Variants in ATP2B2 observed in about 807,000 individuals in gnomAD.
ATP2B2 encodes the protein plasma membrane calcium-transporting ATPase 2.
Under a neutral mutation model 120.0 loss-of-function variants are expected in ATP2B2, and 15 were observed. That is an observed-to-expected ratio of 0.12 (90% CI 0.08 to 0.19). The LOEUF is 0.19. ATP2B2 is among the 10% of genes least tolerant of loss of function. The pLI, the probability that ATP2B2 is intolerant of heterozygous loss-of-function variation, is 1.00. For missense variants in ATP2B2, 1,045 were observed against 1,719.8 expected (o/e 0.61, Z 6.94); for synonymous variants, 694 against 700.3 (o/e 0.99, Z 0.14).
intron 1 of ATP2B2, among the ~76,000 whole-genome samples, chr3:10,678,515 G>T (rs1033933899): frequency 6.6e-6 from 1 of 152,174 alleles, no homozygotes; most frequent in Non-Finnish European, 1.5e-5. Context: ...GCTTCTGGGG[G>T]CCCAGGTCTA....
chr3:10,392,015 C>T (rs56246256), intron 5 of ATP2B2, among the ~76,000 whole-genome samples: 8,350 of 152,106 alleles, frequency 0.055, 278 homozygotes, highest in South Asian at 0.082. Flanking sequence ...GATGAATGCC[C>T]TTCTCCTTGG....
intron 1 of ATP2B2, among the ~76,000 whole-genome samples, chr3:10,482,224 G>A (rs1409989370): frequency 6.6e-6 from 1 of 152,134 alleles, no homozygotes; most frequent in Non-Finnish European, 1.5e-5. Flanking sequence ...GCCAGCCTGG[G>A]GGTGGGCTTT....
chr3:10,600,667 C>G (rs932014155), intron 2 of ATP2B2, among the ~76,000 whole-genome samples: 6 of 152,224 alleles, frequency 3.9e-5, no homozygotes, highest in Non-Finnish European at 8.8e-5. Context: ...TCTGCCGCCC[C>G]CTCCCTGCCC....
chr3:10,391,497 A>C (rs2061848335), intron 5 of ATP2B2, among the ~76,000 whole-genome samples: 1 of 152,224 alleles, frequency 6.6e-6, no homozygotes, highest in Non-Finnish European at 1.5e-5. Flanking sequence ...CACGATAATC[A>C]GACTCCCAAA....
At chr3:10,434,567 A>G (rs2063417930) in intron 2 of ATP2B2, among the ~76,000 whole-genome samples, 1 of 152,238 alleles carries the variant, frequency 6.6e-6, no homozygotes, top group South Asian at 2.1e-4. Context: ...GTAGGTAGGC[A>G]TATCTGGACC....
At chr3:10,379,413 G>T in intron 8 of ATP2B2, 129 bp from the exon 9 acceptor site, 1 of 1,061,358 alleles carries the variant, frequency 9.4e-7, no homozygotes. Flanking sequence ...GCATCCCTCT[G>T]TGTGGGGATA....
chr3:10,576,009 C>T (rs887960157), intron 2 of ATP2B2, among the ~76,000 whole-genome samples: 2 of 152,244 alleles, frequency 1.3e-5, no homozygotes, highest in Non-Finnish European at 2.9e-5. Context: ...GATGGCCTCA[C>T]TCCCCTGCAC....
At chr3:10,371,181 T>C (rs1253433950) in intron 12 of ATP2B2, among the ~76,000 whole-genome samples, 2 of 152,234 alleles carry the variant, frequency 1.3e-5, no homozygotes. Context: ...CAAAAAGTGA[T>C]AACGTGGCGG....
intron 1 of ATP2B2, among the ~76,000 whole-genome samples, chr3:10,680,983 G>A (rs2071368762): frequency 6.6e-6 from 1 of 152,150 alleles, no homozygotes; most frequent in South Asian, 2.1e-4. Context: ...CTTATAGTGA[G>A]TGTGCTCTCG....
chr3:10,481,764 G>C (rs2065423567), intron 1 of ATP2B2, among the ~76,000 whole-genome samples: 1 of 152,132 alleles, frequency 6.6e-6, no homozygotes, highest in Non-Finnish European at 1.5e-5. Context: ...ATGTTGGCCA[G>C]GCTAGTCTCA....
chr3:10,505,690 G>A (rs1575433636), upstream of ATP2B2: 2 of 133,206 alleles, frequency 1.5e-5, no homozygotes, highest in Non-Finnish European at 3.2e-5. Flanking sequence ...GGCAGAGGCC[G>A]CCCCTGCCGC....
At chr3:10,640,574 C>T (rs1338615677) in intron 1 of ATP2B2, among the ~76,000 whole-genome samples, 2 of 152,090 alleles carry the variant, frequency 1.3e-5, no homozygotes, top group Admixed American at 6.6e-5. Context: ...GAGACCTGGG[C>T]GAGGCCAGAA....
intron 2 of ATP2B2, among the ~76,000 whole-genome samples, chr3:10,538,584 A>G (rs1237461125): frequency 6.6e-6 from 1 of 152,246 alleles, no homozygotes; most frequent in East Asian, 1.9e-4. Context: ...ACGCAAATCA[A>G]TAAATGTAAT....
chr3:10,581,880 G>C (rs2068398714), intron 2 of ATP2B2, among the ~76,000 whole-genome samples: 1 of 152,234 alleles, frequency 6.6e-6, no homozygotes, highest in African/African-American at 2.4e-5. Flanking sequence ...GCCTGGCACA[G>C]AGTAAGTGCT....
chr3:10,508,907 C>T (rs1372625431), upstream of ATP2B2, among the ~76,000 whole-genome samples: 2 of 152,096 alleles, frequency 1.3e-5, no homozygotes, highest in Non-Finnish European at 2.9e-5. Context: ...ATGGTGGACA[C>T]CGATTGAGAG....
chr3:10,411,242 A>G lies in ATP2B2; in HGVS notation c.200-427T>C, dbSNP rs2062599996. Among the ~76,000 whole-genome samples, 3 of 152,310 alleles carry G rather than the reference A, an allele frequency of 2.0e-5. No individual in the cohort carries two copies. In the South Asian group the frequency reaches 6.2e-4, roughly 32 times the overall value. ...GCAGAGTTTGGAGTGATGCAGCCATAAGCCAGGAAATGTCTGGGGGCACCA... is the reference window on the plus strand; with the variant it reads ...GCAGAGTTTGGAGTGATGCAGCCATGAGCCAGGAAATGTCTGGGGGCACCA... On this transcript the variant is annotated intron_variant, in intron 2 of 22. Coordinates refer to ENST00000360273, the MANE Select transcript of ATP2B2 (RefSeq NM_001001331.4).
At chr3:10,578,312 A>G (rs1042090890) in intron 2 of ATP2B2, among the ~76,000 whole-genome samples, 5 of 152,174 alleles carry the variant, frequency 3.3e-5, no homozygotes, top group African/African-American at 1.2e-4. Flanking sequence ...CCCACTCCAC[A>G]TAAGAGAAAT....
At chr3:10,378,143 T>C in intron 10 of ATP2B2, 109 bp downstream of exon 10, 1 of 1,456,380 alleles carries the variant, frequency 6.9e-7, no homozygotes, top group Non-Finnish European at 9.1e-7. Flanking sequence ...AGGCACTCAT[T>C]CAAGCCCCCC....
chr3:10,388,552 T>C, intron 5 of ATP2B2, 150 bp from the exon 6 acceptor site: 1 of 1,206,124 alleles, frequency 8.3e-7, no homozygotes, highest in South Asian at 1.3e-5. Context: ...ACTGTGTGTG[T>C]GGTGGGCTCT....
Sources: gnomAD v4.1 joint callset for allele counts (sites outside exome capture counted in the v4.1 genomes callset) on GRCh38, gnomAD v4.1.1 for gene constraint, MANE v1.5 for transcripts, NCBI Gene and HGNC (gene_info 2026-07-23, HGNC 2026-07-21) for gene names.